Variants in NRXN3 observed in about 807,000 individuals in gnomAD.
The protein encoded by NRXN3 is neurexin III.
Under a neutral mutation model 137.6 loss-of-function variants are expected in NRXN3, and 32 were observed. The observed-to-expected ratio is 0.23, with a 90% CI of 0.18 to 0.31. The LOEUF is 0.31. NRXN3 is among the 10% of genes least tolerant of loss of function. The pLI is 1.00. For missense variants in NRXN3, 1,574 were observed against 2,062.5 expected, an observed-to-expected ratio of 0.76 and a Z score of 4.59; for synonymous variants, 798 against 784.5, an observed-to-expected ratio of 1.02 and a Z score of -0.29.
At chr14:78,196,836 G>A (rs192478923) in intron 1 of NRXN3, among the ~76,000 whole-genome samples, 3 of 152,320 alleles carry the variant, frequency 2.0e-5, no homozygotes, top group Admixed American at 2.0e-4. Context: ...TTGACCTGAC[G>A]GATGAATTGG....
chr14:79,725,647 A>G (rs960018288), intron 19 of NRXN3, among the ~76,000 whole-genome samples: 1 of 152,178 alleles, frequency 6.6e-6, no homozygotes, highest in Non-Finnish European at 1.5e-5. Flanking sequence ...GGAGGAAAAA[A>G]AAGTGGTATA....
At chr14:78,237,275 G>A (rs1344921990) in intron 1 of NRXN3, among the ~76,000 whole-genome samples, 1 of 152,164 alleles carries the variant, frequency 6.6e-6, no homozygotes. Flanking sequence ...GTATGAGTCA[G>A]GACTCTTGGT....
intron 6 of NRXN3, among the ~76,000 whole-genome samples, chr14:78,668,918 C>CTCTATCTATCTATCTA (rs60427407): frequency 6.0e-5 from 9 of 149,602 alleles, no homozygotes; most frequent in African/African-American, 1.8e-4. Flanking sequence ...ACATATTAAA[C>CTCTATCTATCTATCTA]TCTATCTATC....
intron 20 of NRXN3, among the ~76,000 whole-genome samples, chr14:79,851,261 C>T (rs2099390778): frequency 6.6e-6 from 1 of 152,050 alleles, no homozygotes; most frequent in Non-Finnish European, 1.5e-5. Context: ...TTGAGACCGA[C>T]CATATATGCA....
At chr14:78,535,993 C>T (rs116433631) in intron 4 of NRXN3, among the ~76,000 whole-genome samples, 2,127 of 152,134 alleles carry the variant, frequency 0.014, 45 homozygotes, top group African/African-American at 0.041. Flanking sequence ...TTCTGCTCAA[C>T]GTTCTCATCA....
chr14:78,245,342 G>A (rs2067523414), intron 2 of NRXN3, among the ~76,000 whole-genome samples: 1 of 152,186 alleles, frequency 6.6e-6, no homozygotes, highest in Non-Finnish European at 1.5e-5. Context: ...GCATTTGTAT[G>A]TTTTTAAAGC....
chr14:79,062,029 C>A (rs60147420), intron 15 of NRXN3, among the ~76,000 whole-genome samples: 6,644 of 152,270 alleles, frequency 0.044, 528 homozygotes, highest in African/African-American at 0.15. Flanking sequence ...TTTGTCACTA[C>A]TGAAGCATGT....
At chr14:79,286,193 AC>A (rs2082222449) in intron 15 of NRXN3, among the ~76,000 whole-genome samples, 1 of 151,912 alleles carries the variant, frequency 6.6e-6, no homozygotes, top group African/African-American at 2.4e-5. Flanking sequence ...AGCTTTCTTT[AC>A]CTAGACCTGC....
chr14:78,656,855 G>A (rs1382616969), intron 6 of NRXN3, among the ~76,000 whole-genome samples: 1 of 151,850 alleles, frequency 6.6e-6, no homozygotes, highest in Non-Finnish European at 1.5e-5. Flanking sequence ...CGTCCTGGCT[G>A]ACACGGTGAA....
At chr14:79,776,221 G>A (rs1200769421) in intron 19 of NRXN3, among the ~76,000 whole-genome samples, 1 of 152,108 alleles carries the variant, frequency 6.6e-6, no homozygotes, top group East Asian at 1.9e-4. Flanking sequence ...CAATCATTTT[G>A]TGGTTATATT....
At chr14:79,655,528 G>C (rs221453) in intron 16 of NRXN3, among the ~76,000 whole-genome samples, 20,255 of 152,168 alleles carry the variant, frequency 0.13, 1,737 homozygotes, top group African/African-American at 0.23. Flanking sequence ...GAAAAGTACT[G>C]TCTGGAGAAT....
chr14:79,211,827 T>A (rs1233814056), intron 15 of NRXN3, among the ~76,000 whole-genome samples: 1 of 152,138 alleles, frequency 6.6e-6, no homozygotes, highest in Non-Finnish European at 1.5e-5. Flanking sequence ...ATCCAAAACA[T>A]GATAAACACT....
At chr14:78,216,773 C>T (rs2063328618) in intron 1 of NRXN3, among the ~76,000 whole-genome samples, 2 of 152,312 alleles carry the variant, frequency 1.3e-5, no homozygotes, top group African/African-American at 2.4e-5. Flanking sequence ...GGCAGGGCCA[C>T]GGTCCCTCTG....
At chr14:78,328,044 G>A (rs2080318043) in intron 4 of NRXN3, among the ~76,000 whole-genome samples, 1 of 152,116 alleles carries the variant, frequency 6.6e-6, no homozygotes, top group South Asian at 2.1e-4. Context: ...TCTCTAAGCA[G>A]AAACATTCAA....
chr14:79,433,591 A>T (rs567747847), intron 15 of NRXN3, among the ~76,000 whole-genome samples: 2 of 152,300 alleles, frequency 1.3e-5, no homozygotes, highest in Non-Finnish European at 2.9e-5. Context: ...AAAAGAAAAA[A>T]ACTCACCAGT....
chr14:79,663,735 C>T (rs780253439), intron 16 of NRXN3, 43 bp from the exon 17 acceptor site: 11 of 1,573,674 alleles, frequency 7.0e-6, no homozygotes, highest in South Asian at 1.1e-5. Flanking sequence ...GAGAGAACTT[C>T]GTGGTTGGTG....
At chr14:79,467,688 T>C (rs953254956) in intron 16 of NRXN3, among the ~76,000 whole-genome samples, 4 of 152,196 alleles carry the variant, frequency 2.6e-5, no homozygotes, top group African/African-American at 9.6e-5. Context: ...AGCAGACTTC[T>C]AGGGTATATT....
chr14:78,691,639 G>A (rs1227952524), intron 6 of NRXN3, among the ~76,000 whole-genome samples: 2 of 151,978 alleles, frequency 1.3e-5, no homozygotes, highest in East Asian at 3.9e-4. Context: ...GGGTAAGAGA[G>A]CCCGGGATAG....
At chr14:79,253,985 T>C (rs763238938) in intron 15 of NRXN3, among the ~76,000 whole-genome samples, 6 of 152,218 alleles carry the variant, frequency 3.9e-5, no homozygotes, top group Non-Finnish European at 7.3e-5. Flanking sequence ...TAGCTCTTAT[T>C]TGATCAGCAT....
Sources: allele counts gnomAD v4.1 joint callset (sites outside exome capture counted in the v4.1 genomes callset), GRCh38; gene constraint gnomAD v4.1.1; transcripts MANE v1.5; gene names NCBI Gene and HGNC (gene_info 2026-07-23, HGNC 2026-07-21).